The following HS1BP3 variants were observed in gnomAD, a reference collection of about 807,000 sequenced individuals.
HS1BP3 encodes HCLS1-binding protein 3.
HS1BP3 carries 32 observed loss-of-function variants against 33.5 expected under a neutral mutation model. That is an observed-to-expected ratio of 0.95 (90% CI 0.72 to 1.28). The LOEUF (loss-of-function observed/expected upper bound fraction) is 1.28, where lower values mean the gene tolerates loss of function less well. Among genes scored for constraint, HS1BP3 ranks in the 50% most tolerant of loss-of-function variants. The probability of loss-of-function intolerance (pLI) is 0.00; values close to 1 mark genes in which losing one functional copy is unlikely to be tolerated. For missense variants in HS1BP3, 486 were observed against 502.3 expected (o/e 0.97, Z 0.31); for synonymous variants, 187 against 209.2 (o/e 0.89, Z 0.92).
chr2:20,650,351 TGCCAGGATCCACCTTGG>T (rs1262449964), intron 1 of HS1BP3, among the ~76,000 whole-genome samples: 1 of 152,188 alleles, frequency 6.6e-6, no homozygotes, highest in Non-Finnish European at 1.5e-5. Context: ...CTCCCAGCCT[TGCCAGGATCCACCTTGG>T]GCTGGGTCCT....
intron 2 of HS1BP3, among the ~76,000 whole-genome samples, chr2:20,607,195 G>A (rs944326861): frequency 5.3e-5 from 8 of 149,774 alleles, no homozygotes; most frequent in Non-Finnish European, 1.2e-4. Context: ...TTGCTCCATC[G>A]CCCAGGCTGG....
At chr2:20,640,587 C>T (rs115759055) in intron 3 of HS1BP3, 10,877 of 462,526 alleles carry the variant, frequency 0.024, 206 homozygotes, top group Middle Eastern at 0.053. Context: ...TCCCGGGATA[C>T]TGCAGGTCCC....
intron 5 of HS1BP3, among the ~76,000 whole-genome samples, chr2:20,567,669 C>A (rs938352522): frequency 4.6e-5 from 7 of 152,168 alleles, no homozygotes; most frequent in Non-Finnish European, 1.0e-4. Context: ...TCTCCAGGCT[C>A]CTGCAGACAG....
downstream of HS1BP3, among the ~76,000 whole-genome samples, chr2:20,616,274 G>A (rs913878112): frequency 6.6e-6 from 1 of 152,206 alleles, no homozygotes; most frequent in Non-Finnish European, 1.5e-5. Flanking sequence ...TCTTGGGGGG[G>A]ATAGAGGCCA....
intron 5 of HS1BP3, among the ~76,000 whole-genome samples, chr2:20,573,790 C>A (rs1465108607): frequency 6.6e-6 from 1 of 152,210 alleles, no homozygotes; most frequent in Non-Finnish European, 1.5e-5. Flanking sequence ...AGACAGCCTC[C>A]GGTCAGGACC....
intron 3 of HS1BP3, among the ~76,000 whole-genome samples, chr2:20,595,815 C>T (rs1055400183): frequency 2.0e-5 from 3 of 152,206 alleles, no homozygotes; most frequent in African/African-American, 4.8e-5. Flanking sequence ...CCATCCATCA[C>T]GGCCCATCAG....
At chr2:20,572,337 C>T (rs1023636580) in intron 5 of HS1BP3, among the ~76,000 whole-genome samples, 6 of 152,340 alleles carry the variant, frequency 3.9e-5, no homozygotes, top group African/African-American at 7.2e-5. Flanking sequence ...TCCCTGATGA[C>T]ACAGGCTATG....
At chr2:20,613,476 T>A (rs1407023088), downstream of HS1BP3, among the ~76,000 whole-genome samples, 1 of 152,106 alleles carries the variant, frequency 6.6e-6, no homozygotes, top group African/African-American at 2.4e-5. Context: ...GGGAAGGCCT[T>A]CTCCAGAGGG....
chr2:20,567,548 T>C (rs897467105), intron 5 of HS1BP3, among the ~76,000 whole-genome samples: 4 of 151,860 alleles, frequency 2.6e-5, no homozygotes, highest in African/African-American at 9.7e-5. Flanking sequence ...AAAGGGGGTC[T>C]GCGATCAGCC....
At chr2:20,629,737 G>A (rs992360536) in intron 4 of HS1BP3, among the ~76,000 whole-genome samples, 2 of 152,234 alleles carry the variant, frequency 1.3e-5, no homozygotes, top group Admixed American at 6.5e-5. Context: ...ACAGACACCC[G>A]CTTTCCTGCT....
Position 20,562,044 on chromosome 2 carries a change from G to A in HS1BP3, c.303-1529C>T, listed in dbSNP as rs575452793. ...AAAGGACTAGGTTTGGGGAACTTCC[G>A]GATTGCTAACCACGTGGAGGTGCTG... On this transcript the variant is annotated intron_variant, in intron 5 of 5. Transcript: ENST00000446825. Among the ~76,000 whole-genome samples, 6 of 152,280 alleles carry A rather than the reference G, an allele frequency of 3.9e-5. No homozygotes were observed. The East Asian group carries it at 5.8e-4, about 15-fold the overall frequency.
At chr2:20,582,380 A>G (rs28600892) in intron 5 of HS1BP3, among the ~76,000 whole-genome samples, 6,357 of 145,164 alleles carry the variant, frequency 0.044, 429 homozygotes, top group African/African-American at 0.15. Context: ...GTGTGCAGGG[A>G]GTGGCTGAGA....
downstream of HS1BP3, among the ~76,000 whole-genome samples, chr2:20,615,539 T>C (rs1694405958): frequency 6.6e-6 from 1 of 152,218 alleles, no homozygotes; most frequent in Non-Finnish European, 1.5e-5. Context: ...GCATTGACTA[T>C]GTTTGCTCTG....
intron 4 of HS1BP3, among the ~76,000 whole-genome samples, chr2:20,634,012 T>A (rs1352122983): frequency 6.6e-6 from 1 of 152,102 alleles, no homozygotes. Context: ...CAGGGTGAGG[T>A]CGGGCCCAGC....
At chr2:20,639,276 T>C (rs548737456) in intron 3 of HS1BP3, among the ~76,000 whole-genome samples, 1 of 152,342 alleles carries the variant, frequency 6.6e-6, no homozygotes, top group African/African-American at 2.4e-5. Flanking sequence ...ATGCCCCCTG[T>C]GTGACCACAA....
In HS1BP3 at chr2:20,618,144, G is replaced by C. The variant is rs940937342; in HGVS notation, c.*843C>G. The C allele has an allele frequency of 6.6e-6, 1 of 152,254 alleles. No homozygotes were observed. The highest frequency in any genetic ancestry group is 2.4e-5 in the African/African-American group (1 of 41,454). The allele number at this position is 152,254 out of a possible 1,614,324, so 9.4% of individuals were successfully genotyped here. On this transcript the variant is annotated 3_prime_UTR_variant, in exon 7 of 7. Transcript: ENST00000304031. ...GGAAAGCTATGACCCAGTTTGCTGA[G>C]AGCTGCAATGACGAACATTGGCTCT...
At chr2:20,563,938 C>G (rs879519724) in intron 5 of HS1BP3, among the ~76,000 whole-genome samples, 3 of 152,156 alleles carry the variant, frequency 2.0e-5, no homozygotes, top group Non-Finnish European at 4.4e-5. Flanking sequence ...GGCAATGGAA[C>G]CACTTAGTGT....
the HS1BP3 span, among the ~76,000 whole-genome samples, chr2:20,555,099 G>A: frequency 0.038 from 5,846 of 152,212 alleles, 147 homozygotes; most frequent in Non-Finnish European, 0.055. Context: ...TGCTTCCCTC[G>A]CAATCCATGT....
intron 2 of HS1BP3, among the ~76,000 whole-genome samples, chr2:20,610,545 G>C (rs1694298921): frequency 6.6e-6 from 1 of 152,060 alleles, no homozygotes; most frequent in South Asian, 2.1e-4. Flanking sequence ...TGGCTCGATA[G>C]CACATTTCTT....
Sources: gnomAD v4.1 joint callset for allele counts (sites outside exome capture counted in the v4.1 genomes callset) on GRCh38, gnomAD v4.1.1 for gene constraint, MANE v1.5 for transcripts, NCBI Gene and HGNC (gene_info 2026-07-23, HGNC 2026-07-21) for gene names.